JAK2: variants seen among roughly 807,000 people sequenced by gnomAD.
The protein encoded by JAK2 is Janus kinase 2.
Under a neutral mutation model 139.3 loss-of-function variants are expected in JAK2, and 86 were observed. The observed-to-expected ratio is 0.62, with a 90% CI of 0.52 to 0.74. The LOEUF is 0.74. Ranked by LOEUF, JAK2 falls within the 30% of genes least tolerant of loss-of-function variation. The pLI is 0.00. For synonymous variants in JAK2, 490 were observed against 437.7 expected, an observed-to-expected ratio of 1.12 and a Z score of -1.49; for missense variants, 1,421 against 1,360.3, an observed-to-expected ratio of 1.04 and a Z score of -0.70.
intron 2 of JAK2, among the ~76,000 whole-genome samples, chr9:5,009,004 T>C (rs1157372155): frequency 6.6e-6 from 1 of 152,224 alleles, no homozygotes; most frequent in Non-Finnish European, 1.5e-5. Context: ...AGTCGTATTA[T>C]TCAACTCTTT....
At chr9:5,089,415 G>A (rs1820391313) in intron 19 of JAK2, among the ~76,000 whole-genome samples, 1 of 151,912 alleles carries the variant, frequency 6.6e-6, no homozygotes. Flanking sequence ...GCGGGCGCCT[G>A]TATTCCCAGC....
At chr9:5,053,213 C>A (rs1010433582) in intron 6 of JAK2, among the ~76,000 whole-genome samples, 2 of 152,030 alleles carry the variant, frequency 1.3e-5, no homozygotes, top group African/African-American at 2.4e-5. Flanking sequence ...ATGTTCATTT[C>A]TCTAATGACT....
intron 2 of JAK2, among the ~76,000 whole-genome samples, chr9:5,013,341 C>T (rs1230625512): frequency 6.6e-6 from 1 of 152,186 alleles, no homozygotes; most frequent in Admixed American, 6.5e-5. Context: ...AGTATATCTA[C>T]TTGGACTATA....
rs140083720 is a variant in JAK2 at position 4,987,383 on chromosome 9, T to G, written c.-26+1361T>G. 3.8e-3 allele frequency among the ~76,000 whole-genome samples: 574 copies of G among 152,250 alleles called. 2 individuals are homozygous for G. The highest frequency in any genetic ancestry group is 0.013 in the African/African-American group (547 of 41,542). On this transcript the variant is annotated intron_variant, in intron 2 of 24. Coordinates refer to ENST00000381652, the MANE Select transcript of JAK2 (RefSeq NM_004972.4). ...ATGCTTTTGAGGCAGAATAGGAAAG[T>G]GCATTGGCTTTGGAGTGAGATCTGG...
At chr9:5,034,712 C>T (rs1378285261) in intron 4 of JAK2, among the ~76,000 whole-genome samples, 1 of 151,800 alleles carries the variant, frequency 6.6e-6, no homozygotes, top group Non-Finnish European at 1.5e-5. Flanking sequence ...CACAACATAC[C>T]AGAATCTCTG....
intron 9 of JAK2, among the ~76,000 whole-genome samples, chr9:5,065,402 A>G (rs1818498817): frequency 6.6e-6 from 1 of 152,204 alleles, no homozygotes; most frequent in South Asian, 2.1e-4. Context: ...ATGTTTGGAT[A>G]GTCCATCTCC....
chr9:5,111,692 A>T (rs1822561710), intron 22 of JAK2: 2 of 429,852 alleles, frequency 4.7e-6, no homozygotes, highest in Admixed American at 2.5e-5. Flanking sequence ...TGGCGGAGGC[A>T]GCAGCACGTT....
At chr9:5,074,369 G>T (rs543215967) in intron 14 of JAK2, among the ~76,000 whole-genome samples, 2 of 152,156 alleles carry the variant, frequency 1.3e-5, no homozygotes, top group East Asian at 3.9e-4. Context: ...CGGCAACCCA[G>T]TGTCTAGCAA....
chr9:5,036,901 AAACTACCATCAG>A (rs921939410), intron 4 of JAK2, among the ~76,000 whole-genome samples: 1 of 152,248 alleles, frequency 6.6e-6, no homozygotes, highest in Admixed American at 6.5e-5. Context: ...ACAGCAAAAG[AAACTACCATCAG>A]AGTGAACAGG....
chr9:5,104,069 G>C (rs1387256309), intron 22 of JAK2, among the ~76,000 whole-genome samples: 1 of 152,130 alleles, frequency 6.6e-6, no homozygotes, highest in Non-Finnish European at 1.5e-5. Context: ...ACTAAGATCA[G>C]AGCAGAACTG....
intron 23 of JAK2, among the ~76,000 whole-genome samples, chr9:5,125,255 TATAA>T (rs1366508448): frequency 1.3e-5 from 2 of 151,026 alleles, no homozygotes; most frequent in Non-Finnish European, 3.0e-5. Context: ...AGTTCACTTA[TATAA>T]ATATATATTA....
Position 5,081,827 on chromosome 9 carries a change from A to G in JAK2, c.2537A>G (p.Glu846Gly). The G allele has an allele frequency of 6.2e-7, 1 of 1,613,712 alleles. No individual in the cohort carries two copies. Among genetic ancestry groups the G allele is most frequent in the Non-Finnish European group, 8.5e-7 (1 of 1,179,656 alleles). ...FEDRDPTQFEERHLKFLQQLG... is the reference protein window; with the variant it reads ...FEDRDPTQFEGRHLKFLQQLG... ...GACCGGGATCCTACACAGTTTGAAG[A>G]GAGACATTTGAAATTTCTACAGCAA... Residue 846 changes from glutamate (E) to glycine (G), a missense_variant, in exon 19 of 25, where the codon GAG (glutamate) becomes GGG (glycine). Glu to Gly is a moderately conservative substitution (Grantham distance 98). Coordinates refer to ENST00000381652, the MANE Select transcript of JAK2 (RefSeq NM_004972.4).
Position 5,070,053 on chromosome 9 carries a change from G to T in JAK2, c.1641+1G>T. ...AATCAGAAATGAAGATTTGATATTT[G>T]TAAGTCATTAGATACTCATTACTGT... On this transcript the variant is annotated splice_donor_variant, in intron 12 of 24. Transcript: ENST00000381652. LOFTEE classifies it high-confidence loss of function. 6.3e-7 allele frequency: 1 copy of T among 1,595,550 alleles called. No homozygotes were observed.
intron 22 of JAK2, chr9:5,111,227 G>T: frequency 1.7e-6 from 1 of 574,388 alleles, no homozygotes; most frequent in Non-Finnish European, 3.3e-6. Flanking sequence ...AGCTAGCGCG[G>T]GCCTATTCCT....
chr9:5,080,512 T>C, intron 17 of JAK2, 21 bp from the exon 18 acceptor site: 7 of 1,570,864 alleles, frequency 4.5e-6, no homozygotes, highest in Non-Finnish European at 6.0e-6. Flanking sequence ...TTATTCTCAG[T>C]TTGTGGTTCT....
chr9:5,066,139 T>A (rs1818553297), intron 9 of JAK2, among the ~76,000 whole-genome samples: 1 of 152,158 alleles, frequency 6.6e-6, no homozygotes, highest in Non-Finnish European at 1.5e-5. Flanking sequence ...TTTGTATAGA[T>A]TATATTTTGC....
chr9:5,068,034 C>G (rs1288283911), intron 10 of JAK2, among the ~76,000 whole-genome samples: 1 of 151,938 alleles, frequency 6.6e-6, no homozygotes, highest in African/African-American at 2.4e-5. Flanking sequence ...GTGGTGCGCA[C>G]CTGTAGTCCC....
At position 5,128,547 on chromosome 9, in the gene JAK2, C is replaced by A. The variant is rs1211386811; in HGVS notation, c.*1756C>A. On this transcript the variant is annotated 3_prime_UTR_variant, in exon 25 of 25. Coordinates refer to ENST00000381652, the MANE Select transcript of JAK2 (RefSeq NM_004972.4). ...TTAACTACATACTTAAAAGTAGGTT[C>A]TTATCAAGGGTCTCTAACATTGCTT... Among the ~76,000 whole-genome samples, 2 of 151,772 alleles carry A rather than the reference C, an allele frequency of 1.3e-5. No individual in the cohort carries two copies. Among genetic ancestry groups the A allele is most frequent in the Non-Finnish European group, 3.0e-5 (2 of 67,734 alleles).
At chr9:5,112,249 C>G (rs1822654493) in intron 22 of JAK2, 3 of 260,324 alleles carry the variant, frequency 1.2e-5, no homozygotes, top group Non-Finnish European at 2.3e-5. Context: ...GAGGCGAACA[C>G]CCTGAGGACG....
Sources: allele counts gnomAD v4.1 joint callset (sites outside exome capture counted in the v4.1 genomes callset), GRCh38; gene constraint gnomAD v4.1.1; transcripts MANE v1.5; gene names NCBI Gene and HGNC (gene_info 2026-07-23, HGNC 2026-07-21).